Variants in FGF13 observed in about 807,000 individuals in gnomAD.
The protein encoded by FGF13 is fibroblast growth factor 13.
In FGF13, 2 loss-of-function variants were observed where a neutral mutation model predicts 19.5. The ratio of observed to expected loss-of-function variants is 0.10; its 90% confidence interval spans 0.04 to 0.32. The LOEUF is 0.32. Among genes scored for constraint, FGF13 ranks in the 10% least tolerant of loss-of-function variants. The pLI is 1.00. For missense variants in FGF13, 113 were observed against 192.7 expected, an observed-to-expected ratio of 0.59 and a Z score of 2.45; for synonymous variants, 72 against 76.9, an observed-to-expected ratio of 0.94 and a Z score of 0.33.
chrX:138,699,676 C>A (rs1179248120), intron 3 of FGF13, among the ~76,000 whole-genome samples: 1 of 112,307 alleles, frequency 8.9e-6, no homozygotes, highest in Non-Finnish European at 1.9e-5. Context: ...ACTATATCTG[C>A]CATAATTAGT....
At chrX:138,702,513 C>A (rs1171759537) in intron 3 of FGF13, among the ~76,000 whole-genome samples, 1 of 112,033 alleles carries the variant, frequency 8.9e-6, no homozygotes, top group Non-Finnish European at 1.9e-5. Context: ...CAGAAGCAAT[C>A]AGGAATCCTG....
chrX:138,691,236 C>T (rs976731123), intron 3 of FGF13, among the ~76,000 whole-genome samples: 3 of 111,569 alleles, frequency 2.7e-5, no homozygotes, highest in African/African-American at 9.8e-5. Flanking sequence ...CTTTCATTAA[C>T]ACGTTAATTA....
chrX:138,646,970 C>A (rs1372487905), intron 3 of FGF13, among the ~76,000 whole-genome samples: 2 of 110,882 alleles, frequency 1.8e-5, no homozygotes, highest in Non-Finnish European at 3.8e-5. Context: ...TGAGAAATAT[C>A]CACCACCCTC....
chrX:138,639,849 C>T (rs1192366881), intron 3 of FGF13, among the ~76,000 whole-genome samples: 20 of 109,913 alleles, frequency 1.8e-4, no homozygotes, highest in Admixed American at 1.4e-3. Flanking sequence ...AAAAATTAGC[C>T]GGGCATGGTG....
chrX:139,085,307 G>A lies in FGF13; in HGVS notation c.-113+118109C>T, dbSNP rs149079770. ...AGCTTTACCACTTACTGCGCTTTGG[G>A]CAATTTACATAATGTCTCTGAGCCT... On this transcript the variant is annotated intron_variant, in intron 1 of 2. Coordinates refer to the FGF13 transcript ENST00000421460. Among the ~76,000 whole-genome samples the A allele has an allele frequency of 3.2e-3, 360 of 111,804 alleles. 2 individuals are homozygous for A. Among genetic ancestry groups the A allele is most frequent in the African/African-American group, 8.7e-3 (268 of 30,747 alleles).
At chrX:138,929,259 GTGTGTGTCTCTC>G (rs1456542783) in intron 1 of FGF13, among the ~76,000 whole-genome samples, 13 of 109,014 alleles carry the variant, frequency 1.2e-4, no homozygotes, top group African/African-American at 3.7e-4. Flanking sequence ...GTGTGTGTGT[GTGTGTGTCTCTC>G]TGTGTGTGTG....
chrX:139,192,958 C>T (rs772868317), intron 1 of FGF13, among the ~76,000 whole-genome samples: 8 of 111,476 alleles, frequency 7.2e-5, no homozygotes, highest in Non-Finnish European at 1.3e-4. Context: ...TTATCTGTTC[C>T]GCTCACTGCT....
intron 3 of FGF13, among the ~76,000 whole-genome samples, chrX:138,754,989 C>T (rs1441779015): frequency 8.9e-6 from 1 of 111,847 alleles, no homozygotes; most frequent in East Asian, 2.8e-4. Context: ...GTTAATTTTG[C>T]TGTGTGTCCT....
In FGF13 at chrX:138,750,489, G is replaced by A. The variant is rs1320878873; in HGVS notation, c.218-41561C>T. ...TTACATGGGTAATACATTTGTAAAT[G>A]GGGGGGTGGGCTTCTAGTGAACCCA... On this transcript the variant is annotated intron_variant, in intron 3 of 6. Coordinates refer to the FGF13 transcript ENST00000436198. Among the ~76,000 whole-genome samples, 4 of 110,544 alleles carry A rather than the reference G, an allele frequency of 3.6e-5. No individual in the cohort carries two copies. In the Admixed American group the frequency reaches 3.9e-4, roughly 11 times the overall value.
intron 1 of FGF13, among the ~76,000 whole-genome samples, chrX:139,147,201 T>G (rs867831613): frequency 9.7e-6 from 1 of 103,128 alleles, no homozygotes; most frequent in Non-Finnish European, 2.0e-5. Context: ...AAATAAAAAA[T>G]TTAAAAACAA....
chrX:138,944,620 T>C (rs1035265899), intron 1 of FGF13, among the ~76,000 whole-genome samples: 1 of 111,199 alleles, frequency 9.0e-6, no homozygotes, highest in Non-Finnish European at 1.9e-5. Context: ...ATGCCTTAGA[T>C]AATGAAAACT....
chrX:138,706,800 C>A (rs1317681198), intron 2 of FGF13, among the ~76,000 whole-genome samples: 1 of 112,021 alleles, frequency 8.9e-6, no homozygotes, highest in African/African-American at 3.2e-5. Flanking sequence ...CCACAATATC[C>A]TCAATGGCAA....
At chrX:138,937,646 C>G (rs1284778982) in intron 1 of FGF13, among the ~76,000 whole-genome samples, 1 of 112,423 alleles carries the variant, frequency 8.9e-6, no homozygotes. Context: ...CCTGTAACTT[C>G]CTAATCCCCA....
At chrX:138,831,365 A>C (rs2091071885) in intron 3 of FGF13, among the ~76,000 whole-genome samples, 1 of 111,030 alleles carries the variant, frequency 9.0e-6, no homozygotes, top group African/African-American at 3.3e-5. Context: ...ATACTGGGAA[A>C]GCTACAGGCA....
intron 1 of FGF13, among the ~76,000 whole-genome samples, chrX:139,115,122 T>G (rs1332696489): frequency 9.0e-6 from 1 of 111,583 alleles, no homozygotes; most frequent in East Asian, 2.8e-4. Context: ...ATCTTAAAAT[T>G]AATGTGTCCT....
At chrX:138,997,125 A>G (rs1022404573) in intron 1 of FGF13, among the ~76,000 whole-genome samples, 2 of 111,968 alleles carry the variant, frequency 1.8e-5, no homozygotes, top group African/African-American at 6.5e-5. Context: ...AACAGAAAGG[A>G]ATAGCATCAA....
intron 1 of FGF13, among the ~76,000 whole-genome samples, chrX:139,037,423 A>T (rs2092254243): frequency 9.9e-6 from 1 of 101,197 alleles, no homozygotes; most frequent in Non-Finnish European, 2.0e-5. Context: ...TTGGTGCTGT[A>T]AAAAAAAAAA....
intron 3 of FGF13, among the ~76,000 whole-genome samples, chrX:138,687,473 A>G (rs1473849648): frequency 8.9e-6 from 1 of 112,110 alleles, no homozygotes; most frequent in Non-Finnish European, 1.9e-5. Context: ...CTCTGTTAAA[A>G]TGGCTAATAT....
At chrX:139,063,336 G>A (rs1271698569) in intron 1 of FGF13, among the ~76,000 whole-genome samples, 2 of 111,701 alleles carry the variant, frequency 1.8e-5, no homozygotes, top group African/African-American at 6.5e-5. Flanking sequence ...TATCTGTGTA[G>A]AAAACATACC....
Sources: gnomAD v4.1 joint callset for allele counts (sites outside exome capture counted in the v4.1 genomes callset) on GRCh38, gnomAD v4.1.1 for gene constraint, MANE v1.5 for transcripts, NCBI Gene and HGNC (gene_info 2026-07-23, HGNC 2026-07-21) for gene names.